Variants in DAZAP1 observed in about 807,000 individuals in gnomAD.
The protein encoded by DAZAP1 is DAZ associated protein 1.
Under a neutral mutation model 60.1 loss-of-function variants are expected in DAZAP1, and 6 were observed. That is an observed-to-expected ratio of 0.10 (90% confidence interval 0.05 to 0.20). The LOEUF is 0.20. Among genes scored for constraint, DAZAP1 ranks in the 10% least tolerant of loss-of-function variants. The pLI, the probability that DAZAP1 is intolerant of heterozygous loss-of-function variation, is 1.00. For missense variants in DAZAP1, 366 were observed against 560.4 expected (o/e 0.65, Z 3.50); for synonymous variants, 235 against 215.9 (o/e 1.09, Z -0.78).
intron 1 of DAZAP1, among the ~76,000 whole-genome samples, chr19:1,411,139 G>A (rs1478848354): frequency 6.6e-6 from 1 of 152,244 alleles, no homozygotes; most frequent in African/African-American, 2.4e-5. Context: ...TCTGGGGGAG[G>A]CTGTTGCAGT....
rs935468002 is a variant in DAZAP1 at position 1,423,675 on chromosome 19, G to A, written c.463+1279G>A. 8.5e-5 allele frequency among the ~76,000 whole-genome samples: 13 copies of A among 152,250 alleles called. 1 individual carries two copies. The highest frequency in any genetic ancestry group is 2.2e-4 in the African/African-American group (9 of 41,468). The stretch of plus-strand genomic sequence containing the variant: ...GGTTTCAGACACTCCTGCAGTTTGC[G>A]AAAATGTCTACTTCTAAATACGTTG... On this transcript the variant is annotated intron_variant, in intron 6 of 11. Coordinates refer to ENST00000233078, the MANE Select transcript of DAZAP1 (RefSeq NM_018959.4). The surrounding 1 kb of genome is among the most constrained non-coding windows in gnomAD (Gnocchi z 6.8).
chr19:1,420,853 G>T (rs2083135699), intron 4 of DAZAP1, among the ~76,000 whole-genome samples: 1 of 152,270 alleles, frequency 6.6e-6, no homozygotes, highest in Admixed American at 6.5e-5. Flanking sequence ...CCACGTGGCA[G>T]TGGTTGTAAT....
rs1049522595 is a variant in DAZAP1 at position 1,433,565 on chromosome 19, GCCTTGGGCCGAGGTT to G, written c.1048+876_1048+890del. On this transcript the variant is annotated intron_variant, in intron 11 of 11. Transcript: ENST00000233078. This position sits in a 1 kb window ranked among gnomAD's most constrained non-coding sequence, Gnocchi z 6.1. ...GTGGTTCCCCTGCCCCCACGCCCAG[GCCTTGGGCCGAGGTT>G]GCCGCATGTGTGGGTTCTTGACCCA... 2 of 593,816 alleles carry G rather than the reference GCCTTGGGCCGAGGTT, an allele frequency of 3.4e-6. No individual in the cohort carries two copies. The highest frequency in any genetic ancestry group is 6.0e-6 in the Non-Finnish European group (2 of 333,462). The allele number at this position is 593,816 out of a possible 1,614,324, so 36.8% of individuals were successfully genotyped here. A position where few individuals can be genotyped will look rare whatever the true frequency, so the allele number is the denominator to read the frequency against.
At chr19:1,408,038 C>T (rs1371676082) in intron 1 of DAZAP1, among the ~76,000 whole-genome samples, 1 of 151,284 alleles carries the variant, frequency 6.6e-6, no homozygotes, top group East Asian at 2.0e-4. Flanking sequence ...CCTGGGGGAT[C>T]CTGAAGGAGA....
rs11880665 is a variant in DAZAP1 at position 1,423,252 on chromosome 19, T to C, written c.463+856T>C. ...GAACCTCCCTCCCCACGGTTAGGAG[T>C]GCTCCTCCTCCATGTCGGTTACGCT... On this transcript the variant is annotated intron_variant, in intron 6 of 11. Transcript: ENST00000233078. The surrounding 1 kb of genome is among the most constrained non-coding windows in gnomAD (Gnocchi z 6.8). 0.05 allele frequency among the ~76,000 whole-genome samples: 7,610 copies of C among 152,290 alleles called. 598 individuals are homozygous for C. Among genetic ancestry groups the C allele is most frequent in the African/African-American group, 0.17 (7,163 of 41,526 alleles).
intron 10 of DAZAP1, among the ~76,000 whole-genome samples, chr19:1,430,738 T>TG (rs34157116): frequency 6.6e-6 from 1 of 151,720 alleles, no homozygotes; most frequent in Non-Finnish European, 1.5e-5. Flanking sequence ...TTTTTTTTTT[T>TG]GAGATGGAGT....
chr19:1,434,109 C>A lies in DAZAP1; in HGVS notation c.1049-628C>A, dbSNP rs1386826414. ...GGGGTGGGGAGCGGCGTGAGCAGCT[C>A]TGTCCTTGTAAAGACACCGCTGTCC... On this transcript the variant is annotated intron_variant, in intron 11 of 11. Transcript: ENST00000233078. This position sits in a 1 kb window ranked among gnomAD's most constrained non-coding sequence, Gnocchi z 8.0. 4.2e-6 allele frequency: 2 copies of A among 472,444 alleles called. No individual in the cohort carries two copies. The highest frequency in any genetic ancestry group is 7.7e-6 in the Non-Finnish European group (2 of 259,654). The allele number at this position is 472,444 out of a possible 1,614,324, so 29.3% of individuals were successfully genotyped here.
At position 1,428,762 on chromosome 19, in the gene DAZAP1, A is replaced by T; in HGVS notation, c.547-80A>T. 2 of 1,546,148 alleles carry T rather than the reference A, an allele frequency of 1.3e-6. No homozygotes were observed. Among genetic ancestry groups the T allele is most frequent in the Middle Eastern group, 3.4e-4 (2 of 5,824 alleles). On this transcript the variant is annotated intron_variant, in intron 7 of 11. Transcript: ENST00000233078. This position sits in a 1 kb window ranked among gnomAD's most constrained non-coding sequence, Gnocchi z 4.0. ...TTGTAAGATGCTAAGTGTAGTCATA[A>T]GTTACCCGAGGGTGTGTCTAAAGGG...
intron 1 of DAZAP1, among the ~76,000 whole-genome samples, chr19:1,410,241 C>G (rs112545565): frequency 6.6e-6 from 1 of 152,166 alleles, no homozygotes; most frequent in Non-Finnish European, 1.5e-5. Flanking sequence ...TTACACACAC[C>G]GACTTCCAGT....
intron 6 of DAZAP1, among the ~76,000 whole-genome samples, chr19:1,424,067 T>C (rs1332140789): frequency 1.3e-5 from 2 of 151,966 alleles, no homozygotes; most frequent in Admixed American, 6.5e-5. Flanking sequence ...GAGACGGGTC[T>C]GTGTCCCCCT....
chr19:1,432,873 A>AG lies in DAZAP1; in HGVS notation c.1048+186dup. ...CTCGTGGCAACTCGGGTCCAGCAGA[A>AG]GGGAGCGTGGGAGTCTTGTCGCAGC... On this transcript the variant is annotated intron_variant, in intron 11 of 11. Transcript: ENST00000233078. The surrounding 1 kb of genome is among the most constrained non-coding windows in gnomAD (Gnocchi z 4.9). The AG allele has an allele frequency of 4.7e-6, 3 of 644,844 alleles. No homozygotes were observed. The highest frequency in any genetic ancestry group is 5.6e-5 in the East Asian group (2 of 35,510). 39.9% of individuals were successfully genotyped at this position (644,844 alleles called of 1,614,324 possible).
At chr19:1,413,115 GC>G (rs1219966173) in intron 1 of DAZAP1, among the ~76,000 whole-genome samples, 2 of 152,186 alleles carry the variant, frequency 1.3e-5, no homozygotes, top group Non-Finnish European at 2.9e-5. Flanking sequence ...GTGTTGCCTT[GC>G]CCCGTTAACG....
chr19:1,408,532 A>G (rs1263204029), intron 1 of DAZAP1, among the ~76,000 whole-genome samples: 1 of 144,360 alleles, frequency 6.9e-6, no homozygotes, highest in Non-Finnish European at 1.5e-5. Flanking sequence ...CCCCGCTCCC[A>G]TCCCACCCCC....
rs929873286 is a variant in DAZAP1 at position 1,434,566 on chromosome 19, C to G, written c.1049-171C>G. 37 of 605,492 alleles carry G rather than the reference C, an allele frequency of 6.1e-5. No individual in the cohort carries two copies. The East Asian group carries it at 1.2e-3, about 19-fold the overall frequency. The allele number at this position is 605,492 out of a possible 1,614,324, so 37.5% of individuals were successfully genotyped here. A position where few individuals can be genotyped will look rare whatever the true frequency, so the allele number is the denominator to read the frequency against. ...ACATGTTTTTGAGGGAGAGAACATG[C>G]CCGGGGTCCTCTCCCCGGCCCAGGT... On this transcript the variant is annotated intron_variant, in intron 11 of 11. Coordinates refer to ENST00000233078, the MANE Select transcript of DAZAP1 (RefSeq NM_018959.4). The surrounding 1 kb of genome is among the most constrained non-coding windows in gnomAD (Gnocchi z 8.0).
chr19:1,424,451 C>A lies in DAZAP1; in HGVS notation c.464-1427C>A, dbSNP rs1048224057. ...TCAGGACGGTGGGAGGCTCCTGAAC[C>A]ACAGTGACCTTTGTCCCCTCACAGT... is the stretch of plus-strand genomic sequence containing the variant. On this transcript the variant is annotated intron_variant, in intron 6 of 11. Transcript: ENST00000233078. Among the ~76,000 whole-genome samples the A allele has an allele frequency of 6.0e-5, 9 of 150,650 alleles. No individual in the cohort carries two copies. In the East Asian group the frequency reaches 1.8e-3, roughly 30 times the overall value.
Position 1,418,556 on chromosome 19 carries a change from C to A in DAZAP1, c.238-110C>A. ...GAGGATACAGGGTGAATGGAGCCGG[C>A]GGGGCGGGGCGGGCCGGGCTGCTGT... On this transcript the variant is annotated intron_variant, in intron 3 of 11. Coordinates refer to ENST00000233078, the MANE Select transcript of DAZAP1 (RefSeq NM_018959.4). The surrounding 1 kb of genome is among the most constrained non-coding windows in gnomAD (Gnocchi z 5.7). 2 of 1,454,148 alleles carry A rather than the reference C, an allele frequency of 1.4e-6. No homozygotes were observed. Among genetic ancestry groups the A allele is most frequent in the Non-Finnish European group, 9.6e-7 (1 of 1,040,972 alleles). The allele number at this position is 1,454,148 out of a possible 1,614,324, so 90.1% of individuals were successfully genotyped here. A position where few individuals can be genotyped will look rare whatever the true frequency, so the allele number is the denominator to read the frequency against.
rs1173662878 is a variant in DAZAP1, at chr19:1,423,865, C to G, written c.463+1469C>G. 6.6e-6 allele frequency among the ~76,000 whole-genome samples: 1 copy of G among 152,176 alleles called. No individual in the cohort carries two copies. Among genetic ancestry groups the G allele is most frequent in the Non-Finnish European group, 1.5e-5 (1 of 68,024 alleles). ...CCTGTCCCGTGTGGACGGGACGTGG[C>G]GAGTGTCGCTGAGTCCACACTGGTG... On this transcript the variant is annotated intron_variant, in intron 6 of 11. Transcript: ENST00000233078. The surrounding 1 kb of genome is among the most constrained non-coding windows in gnomAD (Gnocchi z 6.8).
Position 1,429,976 on chromosome 19 carries a change from T to A in DAZAP1, c.710T>A (p.Val237Glu). The A allele has an allele frequency of 6.4e-7, 1 of 1,570,388 alleles. No homozygotes were observed. Among genetic ancestry groups the A allele is most frequent in the South Asian group, 1.2e-5 (1 of 85,708 alleles). ...CTGTTCTCTTATCTAGGAATGTGGG[T>A]GCCGGCAGGACAGGCGATTGGTAAG... The part of the protein sequence containing the change: ...QQGYGPQGMW[V>E]PAGQAIGGYG... Residue 237 changes from valine (V) to glutamate (E), a missense_variant, in exon 9 of 12, where the codon GTG (valine) becomes GAG (glutamate). Coordinates refer to ENST00000233078, the MANE Select transcript of DAZAP1 (RefSeq NM_018959.4).
intron 1 of DAZAP1, among the ~76,000 whole-genome samples, chr19:1,411,921 G>A (rs2082842185): frequency 6.6e-6 from 1 of 152,258 alleles, no homozygotes; most frequent in African/African-American, 2.4e-5. Context: ...CCTGGTCCCC[G>A]TGACACCATG....
Sources: allele counts gnomAD v4.1 joint callset (sites outside exome capture counted in the v4.1 genomes callset), GRCh38; gene constraint gnomAD v4.1.1; non-coding constraint Gnocchi (gnomAD v3.1); transcripts MANE v1.5; gene names NCBI Gene and HGNC (gene_info 2026-07-23, HGNC 2026-07-21).